RIMBP2: variants seen among roughly 807,000 people sequenced by gnomAD.
RIMBP2 encodes RIMS binding protein 2, also known as RIMS-binding protein 2.
In RIMBP2, 48 loss-of-function variants were observed where a neutral mutation model predicts 118.6. The observed-to-expected ratio is 0.40, with a 90% CI of 0.32 to 0.51. The LOEUF is 0.51. Among genes scored for constraint, RIMBP2 ranks in the 20% least tolerant of loss-of-function variants. RIMBP2 has a pLI of 0.41. For synonymous variants in RIMBP2, 762 were observed against 742.9 expected (o/e 1.03, Z -0.42); for missense variants, 1,551 against 1,768.3 (o/e 0.88, Z 2.20).
At chr12:130,661,702 T>C (rs766302196) in intron 1 of RIMBP2, among the ~76,000 whole-genome samples, 6 of 152,168 alleles carry the variant, frequency 3.9e-5, no homozygotes, top group Admixed American at 3.9e-4. Context: ...TAAATTCCCC[T>C]CTCTGCTTAA....
chr12:130,632,324 G>T (rs2062042963), intron 1 of RIMBP2, among the ~76,000 whole-genome samples: 1 of 152,104 alleles, frequency 6.6e-6, no homozygotes, highest in Non-Finnish European at 1.5e-5. Flanking sequence ...TTCTCTCAGA[G>T]AAATCATTAA....
intron 3 of RIMBP2, among the ~76,000 whole-genome samples, chr12:130,516,198 A>G (rs1038511199): frequency 6.6e-6 from 1 of 152,262 alleles, no homozygotes; most frequent in African/African-American, 2.4e-5. Context: ...AAAAATGGCC[A>G]GACAGGAAGG....
chr12:130,440,177 C>T (rs996077560), intron 11 of RIMBP2, among the ~76,000 whole-genome samples: 1 of 115,870 alleles, frequency 8.6e-6, no homozygotes, highest in Admixed American at 8.7e-5. Flanking sequence ...CCTGCACCAC[C>T]GTCCCCGGGC....
At chr12:130,456,833 G>A (rs1021804192) in intron 6 of RIMBP2, 133 bp from the exon 7 acceptor site, 1 of 644,918 alleles carries the variant, frequency 1.6e-6, no homozygotes, top group Non-Finnish European at 2.6e-6. Flanking sequence ...TTGTGTCTGT[G>A]AAAATGCATG....
At chr12:130,671,189 C>CA (rs11458331) in intron 1 of RIMBP2, among the ~76,000 whole-genome samples, 7,727 of 151,562 alleles carry the variant, frequency 0.051, 297 homozygotes, top group African/African-American at 0.11. Context: ...CTTGAGGGGG[C>CA]AAAAAAAATA....
chr12:130,475,176 C>T lies in RIMBP2; in HGVS notation c.102+3736G>A, dbSNP rs143374102. On this transcript the variant is annotated intron_variant, in intron 5 of 22. Transcript: ENST00000690449. This position sits in a 1 kb window ranked among gnomAD's most constrained non-coding sequence, Gnocchi z 4.1. Reference sequence around the variant, plus strand: ...GCCCTGGGCACTTTCATCACTCATTCGTCATTCACCCATTTGTTTATTTCT... The same window carrying T: ...GCCCTGGGCACTTTCATCACTCATTTGTCATTCACCCATTTGTTTATTTCT... Among the ~76,000 whole-genome samples, 29 of 152,304 alleles carry T rather than the reference C, an allele frequency of 1.9e-4. No homozygotes were observed. The East Asian group carries it at 5.2e-3, about 27-fold the overall frequency.
chr12:130,484,292 A>G (rs1361488229), intron 4 of RIMBP2, among the ~76,000 whole-genome samples: 1 of 151,702 alleles, frequency 6.6e-6, no homozygotes, highest in Non-Finnish European at 1.5e-5. Context: ...CTGCTGTAAC[A>G]CCCTGGCTTT....
chr12:130,661,014 T>G (rs1012376281), intron 1 of RIMBP2, among the ~76,000 whole-genome samples: 1 of 151,950 alleles, frequency 6.6e-6, no homozygotes, highest in Non-Finnish European at 1.5e-5. Flanking sequence ...AGCCCAGGAG[T>G]TCAAGACCAG....
chr12:130,461,112 G>A (rs185821699), intron 6 of RIMBP2, among the ~76,000 whole-genome samples: 1 of 152,140 alleles, frequency 6.6e-6, no homozygotes, highest in Non-Finnish European at 1.5e-5. Flanking sequence ...GACACTAGGG[G>A]TCACATTTCC....
chr12:130,441,257 C>T (rs1332886948), intron 11 of RIMBP2, among the ~76,000 whole-genome samples: 3 of 151,728 alleles, frequency 2.0e-5, no homozygotes, highest in African/African-American at 7.3e-5. Flanking sequence ...AAAAATTAGC[C>T]GAGCGTGGCG....
At chr12:130,435,007 GC>G in intron 13 of RIMBP2, 127 bp from the exon 14 acceptor site, 1 of 934,458 alleles carries the variant, frequency 1.1e-6, no homozygotes, top group Non-Finnish European at 1.6e-6. Flanking sequence ...AGTGCTTTGG[GC>G]CCAGCTCTGC....
intron 2 of RIMBP2, among the ~76,000 whole-genome samples, chr12:130,616,271 C>G (rs987892397): frequency 6.6e-6 from 1 of 151,624 alleles, no homozygotes; most frequent in Non-Finnish European, 1.5e-5. Context: ...CCTTTCTGTA[C>G]CCCCATCTGT....
At chr12:130,543,562 AG>A (rs2054806310) in intron 2 of RIMBP2, among the ~76,000 whole-genome samples, 1 of 152,166 alleles carries the variant, frequency 6.6e-6, no homozygotes, top group Admixed American at 6.5e-5. Context: ...TCTTCTCCAA[AG>A]ATGAGCCCTA....
At chr12:130,514,692 T>A (rs2051262378) in intron 3 of RIMBP2, among the ~76,000 whole-genome samples, 1 of 152,192 alleles carries the variant, frequency 6.6e-6, no homozygotes, top group Non-Finnish European at 1.5e-5. Flanking sequence ...CACCCCCATC[T>A]TTTTTATATT....
chr12:130,577,030 T>C (rs1289533681), intron 2 of RIMBP2, among the ~76,000 whole-genome samples: 2 of 152,196 alleles, frequency 1.3e-5, no homozygotes, highest in African/African-American at 2.4e-5. Context: ...ATGGGCTGCG[T>C]TGAAGGATTT....
chr12:130,492,476 G>A (rs1295084645), intron 4 of RIMBP2, among the ~76,000 whole-genome samples: 1 of 152,214 alleles, frequency 6.6e-6, no homozygotes, highest in Non-Finnish European at 1.5e-5. Context: ...ATTTTCCTGA[G>A]TGTTGATTGG....
intron 1 of RIMBP2, among the ~76,000 whole-genome samples, chr12:130,655,954 G>A (rs893927479): frequency 6.6e-6 from 1 of 152,252 alleles, no homozygotes; most frequent in African/African-American, 2.4e-5. Context: ...GAGGATGCTG[G>A]TGGGAGCGCT....
At position 130,434,870 on chromosome 12, in the gene RIMBP2, C is replaced by A; in HGVS notation, c.2117G>T (p.Arg706Met). ...GCTGCTTCTCTCTAGGAAGACGCTC[C>A]TTTTCTCTAACTTGGAAAGAAAAAG... is the stretch of plus-strand genomic sequence containing the variant. ...RVAESSRLEK[R>M]SVFLERSSAG... Residue 706 changes from arginine (R) to methionine (M), a missense_variant, in exon 14 of 23, where the codon AGG (arginine) becomes ATG (methionine). This residue lies in a region of RIMBP2 where 1,038 missense variants were observed against 1,125.1 expected (regional missense o/e 0.92). Coordinates refer to ENST00000690449, the MANE Select transcript of RIMBP2 (RefSeq NM_001393629.1). This position sits in a 1 kb window ranked among gnomAD's most constrained non-coding sequence, Gnocchi z 5.7. 1 of 1,605,814 alleles carries A rather than the reference C, an allele frequency of 6.2e-7. No individual in the cohort carries two copies. Among genetic ancestry groups the A allele is most frequent in the Non-Finnish European group, 8.5e-7 (1 of 1,176,100 alleles).
chr12:130,648,339 G>C lies in RIMBP2; in HGVS notation c.-351-19883C>G, dbSNP rs184110412. 8.3e-5 allele frequency among the ~76,000 whole-genome samples: 12 copies of C among 145,452 alleles called. 1 individual carries two copies. Among genetic ancestry groups the C allele is most frequent in the Admixed American group, 7.6e-4 (11 of 14,460 alleles). ...TTCCACCTTCATAAATTTATTTAAAGGATCATAATGGACAGGACTGAATCA... is the reference window on the plus strand; with the variant it reads ...TTCCACCTTCATAAATTTATTTAAACGATCATAATGGACAGGACTGAATCA... On this transcript the variant is annotated intron_variant, in intron 1 of 22. Coordinates refer to ENST00000690449, the MANE Select transcript of RIMBP2 (RefSeq NM_001393629.1).
Sources: gnomAD v4.1 joint callset for allele counts (sites outside exome capture counted in the v4.1 genomes callset) on GRCh38, gnomAD v4.1.1 for gene constraint, gnomAD v4.1.1 regional missense constraint, Gnocchi (gnomAD v3.1) non-coding constraint, MANE v1.5 for transcripts, NCBI Gene and HGNC (gene_info 2026-07-23, HGNC 2026-07-21) for gene names.